The following NRG3 variants were observed in gnomAD, a reference collection of about 807,000 sequenced individuals.
NRG3 encodes neuregulin 3, also known as pro-neuregulin-3, membrane-bound isoform.
A neutral mutation model predicts 66.9 loss-of-function variants in NRG3; 31 were observed. The ratio of observed to expected loss-of-function variants is 0.46; its 90% confidence interval spans 0.35 to 0.63. The LOEUF (loss-of-function observed/expected upper bound fraction) is 0.63. NRG3 is among the 20% of genes least tolerant of loss of function. NRG3 has a pLI of 0.00. For missense variants in NRG3, 910 were observed against 878.9 expected (o/e 1.04, Z -0.45); for synonymous variants, 393 against 359.4 (o/e 1.09, Z -1.06).
intron 6 of NRG3, among the ~76,000 whole-genome samples, chr10:82,959,351 C>G (rs770833073): frequency 1.3e-5 from 2 of 152,164 alleles, no homozygotes; most frequent in African/African-American, 2.4e-5. Context: ...CCCATGAACA[C>G]TTGTTGAATC....
chr10:82,838,280 C>A (rs990044239), intron 3 of NRG3, among the ~76,000 whole-genome samples: 3 of 152,124 alleles, frequency 2.0e-5, no homozygotes, highest in Middle Eastern at 3.4e-3. Context: ...CAGTAATGGG[C>A]AGAGTCTAGA....
intron 1 of NRG3, among the ~76,000 whole-genome samples, chr10:82,069,031 T>C (rs576794778): frequency 6.6e-6 from 1 of 152,292 alleles, no homozygotes; most frequent in South Asian, 2.1e-4. Flanking sequence ...CTTTGAAAAC[T>C]GTAAGTAGAA....
At chr10:82,894,693 T>C (rs1843480160) in intron 4 of NRG3, among the ~76,000 whole-genome samples, 1 of 152,218 alleles carries the variant, frequency 6.6e-6, no homozygotes, top group Admixed American at 6.5e-5. Flanking sequence ...TTACCCTGAA[T>C]TGGCACAACT....
chr10:82,302,883 A>G (rs1832163636), intron 1 of NRG3, among the ~76,000 whole-genome samples: 1 of 152,162 alleles, frequency 6.6e-6, no homozygotes, highest in Admixed American at 6.5e-5. Context: ...CCTAGTGTCT[A>G]GCTTAAGGCA....
intron 1 of NRG3, among the ~76,000 whole-genome samples, chr10:81,979,151 T>G (rs1006227253): frequency 1.0e-4 from 14 of 137,022 alleles, no homozygotes; most frequent in African/African-American, 4.0e-4. Context: ...ATTGTGCCAC[T>G]GCACTCCAGC....
intron 1 of NRG3, among the ~76,000 whole-genome samples, chr10:81,941,200 T>A (rs1212247145): frequency 6.6e-6 from 1 of 152,148 alleles, no homozygotes; most frequent in Non-Finnish European, 1.5e-5. Flanking sequence ...TAATTTTTAC[T>A]TGTGACGACC....
At position 82,985,657 on chromosome 10, in the gene NRG3, G is replaced by A; in HGVS notation, c.*52G>A. 1 of 1,542,110 alleles carries A rather than the reference G, an allele frequency of 6.5e-7. No individual in the cohort carries two copies. The highest frequency in any genetic ancestry group is 8.7e-7 in the Non-Finnish European group (1 of 1,151,106). ...TATGCTTTGCTCAACAGGAAAGAGA[G>A]GAAATCAAATACAAATTATTTATAT... On this transcript the variant is annotated 3_prime_UTR_variant, in exon 9 of 9. Transcript: ENST00000372141.
chr10:82,007,508 T>G (rs574641233), intron 1 of NRG3, among the ~76,000 whole-genome samples: 4 of 152,296 alleles, frequency 2.6e-5, no homozygotes, highest in African/African-American at 9.6e-5. Context: ...GTGCCCGGCC[T>G]AAAATCAAAT....
chr10:82,193,242 A>G (rs2074259949), intron 1 of NRG3, among the ~76,000 whole-genome samples: 4 of 152,158 alleles, frequency 2.6e-5, no homozygotes, highest in Non-Finnish European at 5.9e-5. Flanking sequence ...TCCTGGGTTC[A>G]AGCGATTCTC....
chr10:81,929,300 A>G (rs777966115), intron 1 of NRG3, among the ~76,000 whole-genome samples: 4 of 152,148 alleles, frequency 2.6e-5, no homozygotes, highest in Non-Finnish European at 5.9e-5. Flanking sequence ...TGCAATACCA[A>G]TCTAACAAAA....
intron 3 of NRG3, among the ~76,000 whole-genome samples, chr10:82,822,744 C>A (rs974853451): frequency 6.6e-6 from 1 of 152,140 alleles, no homozygotes; most frequent in Admixed American, 6.5e-5. Context: ...CAGTTCCAGT[C>A]CCCTCACTAA....
At chr10:82,678,420 G>A (rs543527212) in intron 2 of NRG3, among the ~76,000 whole-genome samples, 3 of 152,280 alleles carry the variant, frequency 2.0e-5, no homozygotes, top group South Asian at 2.1e-4. Context: ...AGCTTTTTGA[G>A]CCAGGATGAG....
intron 3 of NRG3, among the ~76,000 whole-genome samples, chr10:82,812,775 A>C (rs1217183160): frequency 6.6e-6 from 1 of 152,234 alleles, no homozygotes; most frequent in Non-Finnish European, 1.5e-5. Context: ...AGTAGAAACT[A>C]ACATGTAGAC....
intron 2 of NRG3, among the ~76,000 whole-genome samples, chr10:82,607,385 G>A (rs2048032952): frequency 7.8e-6 from 1 of 128,308 alleles, no homozygotes; most frequent in Non-Finnish European, 1.8e-5. Flanking sequence ...GCCTTGATTG[G>A]AAATTAATAT....
At chr10:82,317,327 G>A (rs1012545542) in intron 1 of NRG3, among the ~76,000 whole-genome samples, 1 of 151,842 alleles carries the variant, frequency 6.6e-6, no homozygotes, top group Non-Finnish European at 1.5e-5. Flanking sequence ...TCAGATCCAG[G>A]AAGAAAATGA....
At position 82,817,019 on chromosome 10, in the gene NRG3, C is replaced by G. The variant is rs1431038166; in HGVS notation, c.1028-48392C>G. On this transcript the variant is annotated intron_variant, in intron 3 of 8. Coordinates refer to ENST00000372141, the MANE Select transcript of NRG3 (RefSeq NM_001010848.4). Reference sequence around the variant, plus strand: ...TTTTCCTGAACAAAATTGTACTTATCTATGAAGTAGAAGAAATTGTATCAG... The same window carrying G: ...TTTTCCTGAACAAAATTGTACTTATGTATGAAGTAGAAGAAATTGTATCAG... 2.0e-5 allele frequency among the ~76,000 whole-genome samples: 3 copies of G among 152,324 alleles called. No individual in the cohort carries two copies. The East Asian group carries it at 5.8e-4, about 29-fold the overall frequency.
chr10:82,441,327 G>A (rs2090422404), intron 2 of NRG3, among the ~76,000 whole-genome samples: 1 of 152,176 alleles, frequency 6.6e-6, no homozygotes, highest in Non-Finnish European at 1.5e-5. Context: ...AAATGTTTTG[G>A]TAGCAGATTT....
intron 2 of NRG3, among the ~76,000 whole-genome samples, chr10:82,551,598 A>G (rs1204744381): frequency 1.5e-5 from 2 of 131,008 alleles, no homozygotes. Context: ...TTTTTATTTT[A>G]AAATACTGTT....
At chr10:82,253,341 A>G (rs561246482) in intron 1 of NRG3, among the ~76,000 whole-genome samples, 1 of 152,232 alleles carries the variant, frequency 6.6e-6, no homozygotes, top group African/African-American at 2.4e-5. Flanking sequence ...CCACAAGATG[A>G]ACCTTCCTAT....
Sources: gnomAD v4.1 joint callset for allele counts (sites outside exome capture counted in the v4.1 genomes callset) on GRCh38, gnomAD v4.1.1 for gene constraint, MANE v1.5 for transcripts, NCBI Gene and HGNC (gene_info 2026-07-23, HGNC 2026-07-21) for gene names.